Variants in DCAF8L2 observed in about 807,000 individuals in gnomAD.
The protein encoded by DCAF8L2 is DDB1- and CUL4-associated factor 8-like protein 2.
For synonymous variants in DCAF8L2, 200 were observed against 190.9 expected, an observed-to-expected ratio of 1.05 and a Z score of -0.39; for missense variants, 430 against 490.7, an observed-to-expected ratio of 0.88 and a Z score of 1.17.
At chrX:27,536,812 G>A in the DCAF8L2 span, among the ~76,000 whole-genome samples, 3 of 111,467 alleles carry the variant, frequency 2.7e-5, no homozygotes, top group African/African-American at 6.5e-5. Context: ...GTGCACAGGC[G>A]GGTCAGAGAT....
chrX:27,531,237 G>A, the DCAF8L2 span, among the ~76,000 whole-genome samples: 2 of 111,530 alleles, frequency 1.8e-5, no homozygotes, highest in Non-Finnish European at 3.8e-5. Flanking sequence ...GTGGAGCAAG[G>A]TCATGTCTTA....
the DCAF8L2 span, among the ~76,000 whole-genome samples, chrX:27,495,621 G>A: frequency 8.9e-6 from 1 of 111,781 alleles, no homozygotes; most frequent in Admixed American, 9.5e-5. Context: ...TGAAGGACAT[G>A]CAGCGGTTTC....
At chrX:27,575,255 G>T in the DCAF8L2 span, among the ~76,000 whole-genome samples, 1 of 110,975 alleles carries the variant, frequency 9.0e-6, no homozygotes, top group Non-Finnish European at 1.9e-5. Context: ...TCCTCTCATC[G>T]TCCAGCCATT....
At chrX:27,608,710 C>G (rs1490111915) in intron 1 of DCAF8L2, among the ~76,000 whole-genome samples, 1 of 100,435 alleles carries the variant, frequency 1.0e-5, no homozygotes, top group African/African-American at 3.7e-5. Context: ...TTTTTTTTTT[C>G]TCTGTGATGT....
chrX:27,483,613 A>T, the DCAF8L2 span, among the ~76,000 whole-genome samples: 6 of 111,172 alleles, frequency 5.4e-5, no homozygotes, highest in Non-Finnish European at 9.4e-5. Flanking sequence ...TTGACAGGAA[A>T]TGTTATTGTG....
the DCAF8L2 span, among the ~76,000 whole-genome samples, chrX:27,508,575 C>T: frequency 3.7e-5 from 4 of 108,012 alleles, no homozygotes; most frequent in Admixed American, 3.1e-4. Flanking sequence ...TCCCATGCCC[C>T]GGTCACTCCA....
chrX:27,567,602 G>A, the DCAF8L2 span, among the ~76,000 whole-genome samples: 1 of 77,574 alleles, frequency 1.3e-5, no homozygotes. Context: ...CAGTGTCAAA[G>A]GACAAAATTA....
At chrX:27,654,651 A>C (rs1443498912) in intron 2 of DCAF8L2, among the ~76,000 whole-genome samples, 1 of 111,710 alleles carries the variant, frequency 9.0e-6, no homozygotes, top group Non-Finnish European at 1.9e-5. Context: ...GGGCACAATA[A>C]TAGAAATATT....
At chrX:27,736,076 C>T (rs893947326) in intron 4 of DCAF8L2, among the ~76,000 whole-genome samples, 8 of 110,834 alleles carry the variant, frequency 7.2e-5, no homozygotes, top group Admixed American at 1.9e-4. Context: ...GTCCTATAGG[C>T]ATCTGGAATT....
At chrX:27,470,510 C>T in the DCAF8L2 span, among the ~76,000 whole-genome samples, 1 of 112,162 alleles carries the variant, frequency 8.9e-6, no homozygotes, top group Non-Finnish European at 1.9e-5. Flanking sequence ...TGATGCCGGC[C>T]ATATACTACT....
intron 3 of DCAF8L2, among the ~76,000 whole-genome samples, chrX:27,709,740 C>A (rs1931460144): frequency 9.1e-6 from 1 of 109,725 alleles, no homozygotes; most frequent in African/African-American, 3.3e-5. Context: ...GGGCCAAAAT[C>A]TTGTCTCTTC....
At chrX:27,499,566 C>T in the DCAF8L2 span, among the ~76,000 whole-genome samples, 1 of 111,752 alleles carries the variant, frequency 8.9e-6, no homozygotes, top group Non-Finnish European at 1.9e-5. Flanking sequence ...CACAGTTCTG[C>T]AGGCTGTACA....
At chrX:27,476,345 G>A in the DCAF8L2 span, among the ~76,000 whole-genome samples, 3 of 111,491 alleles carry the variant, frequency 2.7e-5, no homozygotes, top group African/African-American at 9.8e-5. Flanking sequence ...AGGATAAGGA[G>A]AAGTTGATAA....
At chrX:27,587,985 A>AAAAATATATATATATATATATATATAT, upstream of DCAF8L2, among the ~76,000 whole-genome samples, 1 of 22,363 alleles carries the variant, frequency 4.5e-5, no homozygotes, top group Non-Finnish European at 1.2e-4. Context: ...TAAAAAAAAA[A>AAAAATATATATATATATATATATATAT]ATATATATAT....
In DCAF8L2 at chrX:27,746,844, T is replaced by C; in HGVS notation, c.-52T>C. On this transcript the variant is annotated 5_prime_UTR_variant, in exon 5 of 5. Transcript: ENST00000451261. The stretch of plus-strand genomic sequence containing the variant: ...AGGCCAACTTTCTTCCCAGAGCTTT[T>C]AGGGGCCTGGCCTTTGCAGTTCCAG... 1 of 1,122,986 alleles carries C rather than the reference T, an allele frequency of 8.9e-7. No homozygotes were observed. The allele number at this position is 1,122,986 out of a possible 1,213,427, so 92.5% of individuals were successfully genotyped here.
chrX:27,706,244 T>TTTA (rs762646134), intron 3 of DCAF8L2, among the ~76,000 whole-genome samples: 76 of 111,209 alleles, frequency 6.8e-4, no homozygotes, highest in African/African-American at 2.2e-3. Context: ...CTCCAGTTTC[T>TTTA]TTATGATTAT....
At chrX:27,700,415 G>A (rs1931087583) in intron 3 of DCAF8L2, among the ~76,000 whole-genome samples, 1 of 111,189 alleles carries the variant, frequency 9.0e-6, no homozygotes, top group African/African-American at 3.3e-5. Context: ...GGAGGGGAAA[G>A]GATATATAAG....
At chrX:27,615,474 A>T (rs1448403129) in intron 1 of DCAF8L2, among the ~76,000 whole-genome samples, 2 of 110,846 alleles carry the variant, frequency 1.8e-5, no homozygotes, top group African/African-American at 3.3e-5. Context: ...ATATTTTTGA[A>T]TTTTTTTGCA....
chrX:27,515,089 TTTGA>T, the DCAF8L2 span, among the ~76,000 whole-genome samples: 1 of 112,123 alleles, frequency 8.9e-6, no homozygotes, highest in Admixed American at 9.5e-5. Context: ...ATTTCCCTGA[TTTGA>T]TTGTTATATA....
Sources: allele counts gnomAD v4.1 joint callset (sites outside exome capture counted in the v4.1 genomes callset), GRCh38; gene constraint gnomAD v4.1.1; transcripts MANE v1.5; gene names NCBI Gene and HGNC (gene_info 2026-07-23, HGNC 2026-07-21).